Variants in CAMKMT observed in about 807,000 individuals in gnomAD.
CAMKMT encodes the protein calmodulin-lysine N-methyltransferase.
CAMKMT carries 53 observed loss-of-function variants against 48.0 expected under a neutral mutation model. The observed-to-expected ratio is 1.10, with a 90% CI of 0.89 to 1.39. CAMKMT has a LOEUF of 1.39. Ranked by LOEUF, CAMKMT falls within the 40% of genes most tolerant of loss-of-function variation. The pLI, the probability that CAMKMT is intolerant of heterozygous loss-of-function variation, is 0.00. For missense variants in CAMKMT, 428 were observed against 402.7 expected, an observed-to-expected ratio of 1.06 and a Z score of -0.54; for synonymous variants, 165 against 152.3, an observed-to-expected ratio of 1.08 and a Z score of -0.61.
At chr2:44,685,608 G>T (rs937987473) in intron 3 of CAMKMT, among the ~76,000 whole-genome samples, 1 of 152,162 alleles carries the variant, frequency 6.6e-6, no homozygotes, top group Non-Finnish European at 1.5e-5. Context: ...GACAAGGGAA[G>T]AAAGCAGGCA....
intron 3 of CAMKMT, among the ~76,000 whole-genome samples, chr2:44,577,547 A>C (rs1007731259): frequency 6.6e-6 from 1 of 151,556 alleles, no homozygotes; most frequent in Non-Finnish European, 1.5e-5. Context: ...TGAGTCTGAG[A>C]GGTCCAGGCT....
intron 3 of CAMKMT, among the ~76,000 whole-genome samples, chr2:44,431,182 C>T (rs1008044984): frequency 1.3e-5 from 2 of 151,920 alleles, no homozygotes; most frequent in African/African-American, 4.8e-5. Context: ...ATTTTTTCTA[C>T]CTGAAGATAT....
intron 3 of CAMKMT, among the ~76,000 whole-genome samples, chr2:44,683,822 C>CA (rs10644183): frequency 0.44 from 31,061 of 70,604 alleles, 8,019 homozygotes; most frequent in East Asian, 0.75. Context: ...GACTCTGTCT[C>CA]AAAAAAAAAA....
chr2:44,747,595 A>G (rs574440283), intron 8 of CAMKMT, among the ~76,000 whole-genome samples: 2 of 152,352 alleles, frequency 1.3e-5, no homozygotes, highest in East Asian at 1.9e-4. Flanking sequence ...TGCTGAAGTT[A>G]AATCTAAAAC....
At chr2:44,660,527 C>T (rs1020496421) in intron 3 of CAMKMT, among the ~76,000 whole-genome samples, 6 of 152,296 alleles carry the variant, frequency 3.9e-5, no homozygotes, top group South Asian at 4.1e-4. Flanking sequence ...CCTCTTAATC[C>T]TTCCTCCAAA....
intron 3 of CAMKMT, among the ~76,000 whole-genome samples, chr2:44,410,655 G>A (rs1443138372): frequency 6.6e-6 from 1 of 152,020 alleles, no homozygotes; most frequent in East Asian, 1.9e-4. Context: ...TTAATTCAAA[G>A]CAATATGTCA....
At chr2:44,573,267 G>A (rs1436065025) in intron 3 of CAMKMT, among the ~76,000 whole-genome samples, 1 of 151,962 alleles carries the variant, frequency 6.6e-6, no homozygotes, top group Non-Finnish European at 1.5e-5. Context: ...TCTTTGTCCA[G>A]TTTTCAATCA....
At chr2:44,408,564 A>C (rs1448653539) in intron 3 of CAMKMT, among the ~76,000 whole-genome samples, 1 of 152,094 alleles carries the variant, frequency 6.6e-6, no homozygotes, top group Non-Finnish European at 1.5e-5. Flanking sequence ...GAGTTAAGTG[A>C]GTTGCTCAAG....
intron 3 of CAMKMT, among the ~76,000 whole-genome samples, chr2:44,481,948 A>G (rs979815838): frequency 6.6e-6 from 1 of 152,090 alleles, no homozygotes; most frequent in African/African-American, 2.4e-5. Flanking sequence ...AATTCTGTTG[A>G]TCTATTTAAA....
chr2:44,606,568 A>G (rs767113752), intron 3 of CAMKMT, among the ~76,000 whole-genome samples: 2 of 152,338 alleles, frequency 1.3e-5, no homozygotes, highest in South Asian at 2.1e-4. Context: ...TGAGCTTATT[A>G]GAAAACTAAA....
chr2:44,534,357 G>C (rs1194432329), intron 3 of CAMKMT, among the ~76,000 whole-genome samples: 1 of 151,956 alleles, frequency 6.6e-6, no homozygotes, highest in African/African-American at 2.4e-5. Flanking sequence ...CGAGACATTG[G>C]GTTTAAACTG....
At position 44,654,640 on chromosome 2, in the gene CAMKMT, G is replaced by A. The variant is rs113336629; in HGVS notation, c.377-49643G>A. 5.2e-3 allele frequency among the ~76,000 whole-genome samples: 796 copies of A among 152,190 alleles called. 8 individuals are homozygous for A. The highest frequency in any genetic ancestry group is 0.018 in the African/African-American group (756 of 41,518). On this transcript the variant is annotated intron_variant, in intron 3 of 10. Transcript: ENST00000378494. ...CAGTTCTTGTGTCTTGGCCTCCCGA[G>A]TAGCTGGGACTACAGACGTGTGTCA...
chr2:44,416,717 G>A (rs1023787778), intron 3 of CAMKMT, among the ~76,000 whole-genome samples: 1 of 151,378 alleles, frequency 6.6e-6, no homozygotes, highest in African/African-American at 2.4e-5. Flanking sequence ...TGTGATTACA[G>A]GTGCCCACAA....
At chr2:44,612,565 T>C (rs1347982715) in intron 3 of CAMKMT, among the ~76,000 whole-genome samples, 1 of 152,192 alleles carries the variant, frequency 6.6e-6, no homozygotes, top group Non-Finnish European at 1.5e-5. Context: ...TAAATACTTA[T>C]TTAGTAGTTA....
intron 3 of CAMKMT, among the ~76,000 whole-genome samples, chr2:44,459,977 C>A (rs1459387853): frequency 6.6e-6 from 1 of 152,130 alleles, no homozygotes; most frequent in African/African-American, 2.4e-5. Flanking sequence ...TCTCTTTTAG[C>A]CTGGAGGACC....
intron 1 of CAMKMT, among the ~76,000 whole-genome samples, chr2:44,369,380 C>T (rs1351467815): frequency 6.6e-6 from 1 of 152,050 alleles, no homozygotes; most frequent in Non-Finnish European, 1.5e-5. Context: ...TCAGTTTGCC[C>T]TTCTACACAT....
chr2:44,435,094 G>C (rs1439107794), intron 3 of CAMKMT, among the ~76,000 whole-genome samples: 1 of 151,986 alleles, frequency 6.6e-6, no homozygotes, highest in African/African-American at 2.4e-5. Flanking sequence ...ATTAACATTG[G>C]TTTATTATTT....
intron 3 of CAMKMT, among the ~76,000 whole-genome samples, chr2:44,509,160 A>G (rs1221664144): frequency 6.6e-6 from 1 of 152,126 alleles, no homozygotes; most frequent in Non-Finnish European, 1.5e-5. Flanking sequence ...GAAGCACAGA[A>G]AGGTGACAAG....
chr2:44,376,410 A>C, intron 2 of CAMKMT, among the ~76,000 whole-genome samples: 1 of 144,372 alleles, frequency 6.9e-6, no homozygotes, highest in African/African-American at 2.6e-5. Context: ...ACGAAGTGAG[A>C]CTCTGTATCA....
Sources: allele counts gnomAD v4.1 joint callset (sites outside exome capture counted in the v4.1 genomes callset), GRCh38; gene constraint gnomAD v4.1.1; transcripts MANE v1.5; gene names NCBI Gene and HGNC (gene_info 2026-07-23, HGNC 2026-07-21).